PRSS38: variants seen among roughly 807,000 people sequenced by gnomAD.
PRSS38 encodes the protein serine protease 38.
In PRSS38, 22 loss-of-function variants were observed where a neutral mutation model predicts 26.8. The ratio of observed to expected loss-of-function variants is 0.82; its 90% CI spans 0.59 to 1.17. The LOEUF is 1.17. PRSS38 is among the 50% of genes most tolerant of loss of function. The pLI is 0.00. For synonymous variants in PRSS38, 175 were observed against 172.1 expected (o/e 1.02, Z -0.13); for missense variants, 427 against 422.7 (o/e 1.01, Z -0.09).
intron 3 of PRSS38, among the ~76,000 whole-genome samples, chr1:227,833,921 T>C (rs4639813): frequency 0.17 from 26,196 of 152,186 alleles, 4,272 homozygotes; most frequent in African/African-American, 0.43. Flanking sequence ...CCAGTAGTCA[T>C]AAATGGGACA....
chr1:227,825,442 A>G (rs1015298946), intron 3 of PRSS38, among the ~76,000 whole-genome samples: 12 of 152,152 alleles, frequency 7.9e-5, no homozygotes, highest in African/African-American at 2.9e-4. Flanking sequence ...TGCCCGCCTC[A>G]GCCTCCCAAA....
At chr1:227,831,941 T>C (rs190463307) in intron 3 of PRSS38, among the ~76,000 whole-genome samples, 11 of 152,370 alleles carry the variant, frequency 7.2e-5, no homozygotes, top group Non-Finnish European at 1.2e-4. Context: ...ATTTCTCCTT[T>C]CAATTATGCC....
chr1:227,841,212 TG>T lies in PRSS38; in HGVS notation c.584-4252del, dbSNP rs558973330. 5.3e-5 allele frequency among the ~76,000 whole-genome samples: 8 copies of T among 152,348 alleles called. 1 individual carries two copies. In the South Asian group the frequency reaches 1.7e-3, roughly 32 times the overall value. On this transcript the variant is annotated intron_variant, in intron 3 of 4. Coordinates refer to ENST00000366757, the Ensembl canonical transcript of PRSS38. ...CTGGCTGGCCTGGGATAGCCTGAGC[TG>T]GGGGGCTGGACTCTGCCCCATGCAA...
intron 3 of PRSS38, among the ~76,000 whole-genome samples, chr1:227,835,169 T>C (rs1665221147): frequency 6.6e-6 from 1 of 152,054 alleles, no homozygotes; most frequent in Non-Finnish European, 1.5e-5. Flanking sequence ...ATCAAACAAA[T>C]GGAAAATAGG....
chr1:227,827,525 A>G (rs1336946077), intron 3 of PRSS38, among the ~76,000 whole-genome samples: 2 of 151,876 alleles, frequency 1.3e-5, no homozygotes, highest in East Asian at 3.8e-4. Context: ...CTGTGGGGTC[A>G]GTGGCAATAT....
chr1:227,842,539 C>A (rs962022187), intron 3 of PRSS38, among the ~76,000 whole-genome samples: 1 of 152,068 alleles, frequency 6.6e-6, no homozygotes, highest in Non-Finnish European at 1.5e-5. Flanking sequence ...CTTTTGTGGC[C>A]CTGCCCCATC....
At chr1:227,842,979 C>T (rs1665361033) in intron 3 of PRSS38, among the ~76,000 whole-genome samples, 1 of 152,180 alleles carries the variant, frequency 6.6e-6, no homozygotes, top group South Asian at 2.1e-4. Flanking sequence ...TCAGGAACAA[C>T]AGCCCACAGA....
intron 3 of PRSS38, among the ~76,000 whole-genome samples, chr1:227,843,205 G>T (rs778490861): frequency 2.0e-5 from 3 of 152,162 alleles, no homozygotes; most frequent in African/African-American, 7.2e-5. Context: ...GCTGCAGGCC[G>T]CAAGACTTGG....
rs1664914165 is a variant in PRSS38, at chr1:227,816,256, A to G, written c.311+4A>G. 2 of 1,608,740 alleles carry G rather than the reference A, an allele frequency of 1.2e-6. No individual in the cohort carries two copies. The highest frequency in any genetic ancestry group is 2.7e-5 in the African/African-American group (2 of 74,932). Reference sequence around the variant, plus strand: ...CAGCTGCGCACTGCTTTCACAGGTAAGCGGGCGCCGGCCTGGGATGGTGTG... The same window carrying G: ...CAGCTGCGCACTGCTTTCACAGGTAGGCGGGCGCCGGCCTGGGATGGTGTG... On this transcript the variant is annotated splice_donor_region_variant and intron_variant, in intron 2 of 4. Transcript: ENST00000366757. The surrounding 1 kb of genome is among the most constrained non-coding windows in gnomAD (Gnocchi z 5.1).
At chr1:227,842,173 G>A (rs557812731) in intron 3 of PRSS38, among the ~76,000 whole-genome samples, 1 of 152,300 alleles carries the variant, frequency 6.6e-6, no homozygotes, top group Non-Finnish European at 1.5e-5. Flanking sequence ...GGGATTTGGA[G>A]GGGACAAACA....
At chr1:227,827,157 TCTCTGC>T (rs1439986032) in intron 3 of PRSS38, among the ~76,000 whole-genome samples, 2 of 152,330 alleles carry the variant, frequency 1.3e-5, no homozygotes, top group East Asian at 3.9e-4. Flanking sequence ...CATTGTAGTA[TCTCTGC>T]CAGGTTTTGG....
intron 3 of PRSS38, among the ~76,000 whole-genome samples, chr1:227,845,007 G>C (rs1476387373): frequency 1.4e-5 from 2 of 147,182 alleles, no homozygotes; most frequent in African/African-American, 5.1e-5. Context: ...CCCTATGTGT[G>C]GTGGGGCTGC....
chr1:227,829,708 C>T (rs571233764), intron 3 of PRSS38, among the ~76,000 whole-genome samples: 1 of 152,164 alleles, frequency 6.6e-6, no homozygotes, highest in Admixed American at 6.5e-5. Flanking sequence ...AGTTTAAATT[C>T]TTTGTAATTC....
At chr1:227,835,348 C>T (rs1316980571) in intron 3 of PRSS38, among the ~76,000 whole-genome samples, 1 of 152,204 alleles carries the variant, frequency 6.6e-6, no homozygotes, top group Non-Finnish European at 1.5e-5. Flanking sequence ...AGGAGGATTG[C>T]TTGAGCCCAG....
intron 3 of PRSS38, among the ~76,000 whole-genome samples, chr1:227,821,954 C>T (rs1372745404): frequency 6.6e-6 from 1 of 152,100 alleles, no homozygotes; most frequent in African/African-American, 2.4e-5. Context: ...TCTGAAAATA[C>T]CATAACACAT....
chr1:227,839,656 G>A (rs1490317414), intron 3 of PRSS38, among the ~76,000 whole-genome samples: 2 of 152,218 alleles, frequency 1.3e-5, no homozygotes, highest in African/African-American at 4.8e-5. Context: ...ACTGGCGACA[G>A]TTTTACAAGT....
intron 3 of PRSS38, among the ~76,000 whole-genome samples, chr1:227,831,156 A>G (rs1665147896): frequency 6.6e-6 from 1 of 152,108 alleles, no homozygotes; most frequent in Non-Finnish European, 1.5e-5. Flanking sequence ...TTCTAATATA[A>G]GCATTTAAAG....
chr1:227,834,339 G>T (rs1470436576), intron 3 of PRSS38, among the ~76,000 whole-genome samples: 2 of 152,118 alleles, frequency 1.3e-5, no homozygotes, highest in Non-Finnish European at 2.9e-5. Context: ...CCTTGGACTT[G>T]GCAATGGGTT....
At chr1:227,846,133 C>G (rs781694504) in exon 5 of PRSS38, 4 of 1,614,026 alleles carry the variant, frequency 2.5e-6, no homozygotes, top group Non-Finnish European at 2.5e-6. Context: ...CTCAGCCAGC[C>G]CCTGCTCTCT....
Sources: allele counts gnomAD v4.1 joint callset (sites outside exome capture counted in the v4.1 genomes callset), GRCh38; gene constraint gnomAD v4.1.1; non-coding constraint Gnocchi (gnomAD v3.1); transcripts MANE v1.5; gene names NCBI Gene and HGNC (gene_info 2026-07-23, HGNC 2026-07-21).